Variants in CTNNA3 observed in about 807,000 individuals in gnomAD.
CTNNA3 encodes the protein catenin alpha 3.
Under a neutral mutation model 95.7 loss-of-function variants are expected in CTNNA3, and 76 were observed. That is an observed-to-expected ratio of 0.79 (90% CI 0.66 to 0.96). The LOEUF (loss-of-function observed/expected upper bound fraction) is 0.96, where lower values mean the gene tolerates loss of function less well. CTNNA3 is among the 40% of genes least tolerant of loss of function. The pLI is 0.00. For missense variants in CTNNA3, 1,191 were observed against 1,089.8 expected (o/e 1.09, Z -1.31); for synonymous variants, 431 against 374.4 (o/e 1.15, Z -1.74).
chr10:67,600,805 A>G (rs10997748), intron 3 of CTNNA3, among the ~76,000 whole-genome samples: 8,366 of 152,322 alleles, frequency 0.055, 313 homozygotes, highest in South Asian at 0.1. Context: ...GAAATAATTC[A>G]AATGTTCATC....
intron 17 of CTNNA3, among the ~76,000 whole-genome samples, chr10:65,926,374 G>A (rs2077169053): frequency 6.6e-6 from 1 of 151,880 alleles, no homozygotes; most frequent in Non-Finnish European, 1.5e-5. Flanking sequence ...TGCCACTGTG[G>A]AATTATGAAA....
At chr10:66,183,165 C>T (rs1330271462) in intron 13 of CTNNA3, among the ~76,000 whole-genome samples, 1 of 152,218 alleles carries the variant, frequency 6.6e-6, no homozygotes, top group Admixed American at 6.5e-5. Context: ...ACAGTCCATG[C>T]CCTAGCACAG....
intron 5 of CTNNA3, among the ~76,000 whole-genome samples, chr10:67,442,212 A>G (rs1253043574): frequency 6.6e-6 from 1 of 152,204 alleles, no homozygotes; most frequent in Non-Finnish European, 1.5e-5. Context: ...CAAATTGAAA[A>G]AACAGACAAC....
At chr10:67,097,570 A>G (rs775447244) in intron 7 of CTNNA3, 2 of 1,608,084 alleles carry the variant, frequency 1.2e-6, no homozygotes, top group Admixed American at 1.7e-5. Flanking sequence ...GACTTTTCTC[A>G]TGTCATTTTT....
At chr10:66,039,399 A>G (rs1463949640) in intron 15 of CTNNA3, among the ~76,000 whole-genome samples, 2 of 152,236 alleles carry the variant, frequency 1.3e-5, no homozygotes, top group Admixed American at 6.5e-5. Flanking sequence ...TGAAATTCAT[A>G]TGAAACCAAA....
At chr10:66,762,060 T>C (rs1233763657) in intron 9 of CTNNA3, among the ~76,000 whole-genome samples, 1 of 152,192 alleles carries the variant, frequency 6.6e-6, no homozygotes, top group Non-Finnish European at 1.5e-5. Flanking sequence ...GCATGAGCTG[T>C]ATAGACTTTG....
In CTNNA3 at chr10:67,043,997, T is replaced by C. The variant is rs147622660; in HGVS notation, c.1047+136320A>G. Among the ~76,000 whole-genome samples the C allele has an allele frequency of 8.8e-4, 134 of 152,010 alleles. 3 individuals carry two copies. Among genetic ancestry groups the C allele is most frequent in the African/African-American group, 3.1e-3 (130 of 41,482 alleles). On this transcript the variant is annotated intron_variant, in intron 7 of 17. Transcript: ENST00000433211. Reference sequence around the variant, plus strand: ...TACATGGACAGGTTTGTTACATTGATACACTGTGTGATGCTGAGGTTTGGG... The same window carrying C: ...TACATGGACAGGTTTGTTACATTGACACACTGTGTGATGCTGAGGTTTGGG...
At chr10:67,518,049 T>C (rs1221812093) in intron 5 of CTNNA3, among the ~76,000 whole-genome samples, 10 of 152,136 alleles carry the variant, frequency 6.6e-5, no homozygotes, top group Admixed American at 6.6e-4. Flanking sequence ...ACTTTATACT[T>C]GATATATTGT....
chr10:67,077,692 A>G (rs911628601), intron 7 of CTNNA3, among the ~76,000 whole-genome samples: 3 of 152,164 alleles, frequency 2.0e-5, no homozygotes, highest in African/African-American at 7.2e-5. Flanking sequence ...TTATATTTGT[A>G]TAACTATTGT....
rs1863182277 is a variant in CTNNA3 at position 67,192,876 on chromosome 10, AATGGT to A, written c.844-12361_844-12357del. Among the ~76,000 whole-genome samples, 32 of 152,096 alleles carry A rather than the reference AATGGT, an allele frequency of 2.1e-4. 1 individual carries two copies. In the South Asian group the frequency reaches 6.2e-3, roughly 30 times the overall value. ...CTGCAGATGAATGAATGAATAAAGA[AATGGT>A]CATATATATGTATATATACAACCAC... On this transcript the variant is annotated intron_variant, in intron 6 of 17. Transcript: ENST00000433211.
chr10:67,112,413 A>G (rs1858952550), intron 7 of CTNNA3, among the ~76,000 whole-genome samples: 1 of 152,130 alleles, frequency 6.6e-6, no homozygotes, highest in South Asian at 2.1e-4. Context: ...AGTCTGAAAT[A>G]TGAATTTTAA....
At chr10:66,986,412 G>A (rs552612757) in intron 7 of CTNNA3, among the ~76,000 whole-genome samples, 5 of 152,182 alleles carry the variant, frequency 3.3e-5, no homozygotes, top group Non-Finnish European at 4.4e-5. Flanking sequence ...CAGGAGAATC[G>A]CTTGAACCCA....
intron 2 of CTNNA3, among the ~76,000 whole-genome samples, chr10:67,643,112 A>T (rs1335181314): frequency 6.6e-6 from 1 of 152,252 alleles, no homozygotes; most frequent in African/African-American, 2.4e-5. Flanking sequence ...AAAATGTGGT[A>T]CATATATACC....
At chr10:66,713,492 T>G (rs1848358177) in intron 9 of CTNNA3, among the ~76,000 whole-genome samples, 1 of 117,620 alleles carries the variant, frequency 8.5e-6, no homozygotes, top group Non-Finnish European at 1.8e-5. Context: ...TTAAAGAAAT[T>G]AATGAAAATG....
At chr10:67,466,371 A>G (rs1238257345) in intron 5 of CTNNA3, among the ~76,000 whole-genome samples, 1 of 152,198 alleles carries the variant, frequency 6.6e-6, no homozygotes, top group Non-Finnish European at 1.5e-5. Flanking sequence ...TTCTACATGC[A>G]GTCAAATAAT....
intron 11 of CTNNA3, among the ~76,000 whole-genome samples, chr10:66,498,215 G>C (rs183107486): frequency 1.3e-5 from 2 of 152,144 alleles, no homozygotes; most frequent in East Asian, 3.9e-4. Context: ...TAGGATAATA[G>C]TAAGGAACCT....
chr10:66,445,206 C>G (rs1470316038), intron 11 of CTNNA3, among the ~76,000 whole-genome samples: 2 of 151,808 alleles, frequency 1.3e-5, no homozygotes, highest in African/African-American at 4.8e-5. Flanking sequence ...GACTTAGACT[C>G]CCACACAATA....
intron 7 of CTNNA3, among the ~76,000 whole-genome samples, chr10:67,044,519 T>A (rs1466744543): frequency 2.0e-5 from 3 of 152,180 alleles, no homozygotes; most frequent in Admixed American, 6.5e-5. Context: ...TCTGGAAAGT[T>A]TCCCAGATTC....
intron 7 of CTNNA3, among the ~76,000 whole-genome samples, chr10:66,876,180 T>G (rs535255554): frequency 1.1e-4 from 16 of 152,270 alleles, no homozygotes; most frequent in Admixed American, 1.0e-3. Context: ...GGCCATAGGG[T>G]AGCTTCACTA....
Sources: gnomAD v4.1 joint callset for allele counts (sites outside exome capture counted in the v4.1 genomes callset) on GRCh38, gnomAD v4.1.1 for gene constraint, MANE v1.5 for transcripts, NCBI Gene and HGNC (gene_info 2026-07-23, HGNC 2026-07-21) for gene names.